Variants in ATP6V0A2 observed in about 807,000 individuals in gnomAD.
ATP6V0A2 encodes V-type proton ATPase 116 kDa subunit a 2.
Under a neutral mutation model 104.4 loss-of-function variants are expected in ATP6V0A2, and 58 were observed. The observed-to-expected ratio is 0.56, with a 90% CI of 0.45 to 0.69. ATP6V0A2 has a LOEUF of 0.69. Among genes scored for constraint, ATP6V0A2 ranks in the 30% least tolerant of loss-of-function variants. The pLI, the probability that ATP6V0A2 is intolerant of heterozygous loss-of-function variation, is 0.00. For missense variants in ATP6V0A2, 938 were observed against 1,062.9 expected (o/e 0.88, Z 1.63); for synonymous variants, 376 against 397.9 (o/e 0.95, Z 0.65).
In ATP6V0A2 at chr12:123,748,573, A is replaced by G. The variant is rs765448318; in HGVS notation, c.1725-2A>G. 2 of 1,609,768 alleles carry G rather than the reference A, an allele frequency of 1.2e-6. No homozygotes were observed. Among genetic ancestry groups the G allele is most frequent in the Admixed American group, 1.7e-5 (1 of 60,016 alleles). On this transcript the variant is annotated splice_acceptor_variant, in intron 14 of 19. Coordinates refer to ENST00000330342, the MANE Select transcript of ATP6V0A2 (RefSeq NM_012463.4). LOFTEE classifies it high-confidence loss of function. ...GGTTGATTGATTCCTTTTCTTTCCT[A>G]GGCACTTCAGGAAGAAGTTCAACAT...
At position 123,754,540 on chromosome 12, in the gene ATP6V0A2, A is replaced by G; in HGVS notation, c.2293+3A>G. On this transcript the variant is annotated splice_donor_region_variant and intron_variant, in intron 18 of 19. Coordinates refer to ENST00000330342, the MANE Select transcript of ATP6V0A2 (RefSeq NM_012463.4). ...GGCGCTTAGCCTGGCTCACGCACGT[A>G]AGTTCCTGCTTAGACCTGCAGTTCC... 3 of 1,610,136 alleles carry G rather than the reference A, an allele frequency of 1.9e-6. No individual in the cohort carries two copies. Among genetic ancestry groups the G allele is most frequent in the Non-Finnish European group, 2.6e-6 (3 of 1,176,310 alleles).
In ATP6V0A2 at chr12:123,747,613, A is replaced by G; in HGVS notation, c.1612A>G (p.Asn538Asp). ...TTGTTTGGTTTGGTTTTAGATTTGGAACTTGGCCACAAATCGCCTCACTTT... is the reference window on the plus strand; with the variant it reads ...TTGTTTGGTTTGGTTTTAGATTTGGGACTTGGCCACAAATCGCCTCACTTT... ...PYPLGIDPIW[N>D]LATNRLTFLN... is the part of the protein sequence containing the mutation. The change falls in exon 14 of 20, where the codon AAC becomes GAC. Residue 538 changes from asparagine to aspartate, a missense_variant. Coordinates refer to ENST00000330342, the MANE Select transcript of ATP6V0A2 (RefSeq NM_012463.4). 6.2e-7 allele frequency: 1 copy of G among 1,608,228 alleles called. No individual in the cohort carries two copies. Among genetic ancestry groups the G allele is most frequent in the Non-Finnish European group, 8.5e-7 (1 of 1,174,606 alleles).
In ATP6V0A2 at chr12:123,744,258, G is replaced by T; in HGVS notation, c.1247G>T (p.Gly416Val). The change falls in exon 11 of 20, where the codon GGA becomes GTA. Residue 416 changes from glycine to valine, a missense_variant. Transcript: ENST00000330342. This position sits in a 1 kb window ranked among gnomAD's most constrained non-coding sequence, Gnocchi z 5.4. ...TTTGCTGTGATGTTTGGAGACTTCG[G>T]ACATGGCTTTGTGATGTTTTTATTT... ...FLFAVMFGDF[G>V]HGFVMFLFAL... The T allele has an allele frequency of 6.2e-7, 1 of 1,614,138 alleles. No individual in the cohort carries two copies. The highest frequency in any genetic ancestry group is 2.2e-5 in the East Asian group (1 of 44,882).
In ATP6V0A2 at chr12:123,744,516, G is replaced by A; in HGVS notation, c.1327-81G>A. On this transcript the variant is annotated intron_variant, in intron 11 of 19. Coordinates refer to ENST00000330342, the MANE Select transcript of ATP6V0A2 (RefSeq NM_012463.4). This position sits in a 1 kb window ranked among gnomAD's most constrained non-coding sequence, Gnocchi z 5.4. The stretch of plus-strand genomic sequence containing the variant: ...GAGGCTGTTTTCTGAGAAGTGAGTG[G>A]TGAGGGTCGTGCCCACACCGACAGC... The A allele has an allele frequency of 6.3e-7, 1 of 1,591,746 alleles. No homozygotes were observed. The highest frequency in any genetic ancestry group is 8.6e-7 in the Non-Finnish European group (1 of 1,163,982).
rs573056725 is a variant in ATP6V0A2, at chr12:123,758,354, G to A, written c.*322G>A. On this transcript the variant is annotated 3_prime_UTR_variant, in exon 20 of 20. Coordinates refer to ENST00000330342, the MANE Select transcript of ATP6V0A2 (RefSeq NM_012463.4). Reference sequence around the variant, plus strand: ...GCATGGCTAGTTGAAAATGGTATTAGATACTTATTTCCTTTAAACTTTATT... The same window carrying A: ...GCATGGCTAGTTGAAAATGGTATTAAATACTTATTTCCTTTAAACTTTATT... 1 of 208,452 alleles carries A rather than the reference G, an allele frequency of 4.8e-6. No homozygotes were observed. The highest frequency in any genetic ancestry group is 1.2e-4 in the East Asian group (1 of 8,090). The allele number at this position is 208,452 out of a possible 1,614,324, so 12.9% of individuals were successfully genotyped here.
chr12:123,744,828 T>C lies in ATP6V0A2; in HGVS notation c.1514+44T>C. 2 of 1,614,130 alleles carry C rather than the reference T, an allele frequency of 1.2e-6. No individual in the cohort carries two copies. The highest frequency in any genetic ancestry group is 1.7e-6 in the Non-Finnish European group (2 of 1,179,964). Reference sequence around the variant, plus strand: ...GTGATGCTCTGGGTGGAAAGCATGTTTCCTAGACCTTCCTCCTCCCAGGTC... The same window carrying C: ...GTGATGCTCTGGGTGGAAAGCATGTCTCCTAGACCTTCCTCCTCCCAGGTC... On this transcript the variant is annotated intron_variant, in intron 12 of 19. Transcript: ENST00000330342. This position sits in a 1 kb window ranked among gnomAD's most constrained non-coding sequence, Gnocchi z 5.4.
chr12:123,724,582 C>T (rs1956430577), intron 3 of ATP6V0A2, 72 bp from the exon 4 acceptor site: 1 of 1,481,912 alleles, frequency 6.7e-7, no homozygotes, highest in Non-Finnish European at 9.4e-7. Flanking sequence ...TTTTGGTATA[C>T]TGCATGAAGA....
chr12:123,722,699 A>G (rs968668298), intron 3 of ATP6V0A2, among the ~76,000 whole-genome samples: 8 of 152,172 alleles, frequency 5.3e-5, no homozygotes, highest in Non-Finnish European at 1.0e-4. Context: ...GGTGGTGGTG[A>G]ACAGAGGCAA....
At position 123,718,529 on chromosome 12, in the gene ATP6V0A2, G is replaced by A. The variant is rs1956366536; in HGVS notation, c.118-94G>A. 16 of 875,466 alleles carry A rather than the reference G, an allele frequency of 1.8e-5. No homozygotes were observed. In the South Asian group the frequency reaches 2.3e-4, roughly 12 times the overall value. The allele number at this position is 875,466 out of a possible 1,614,324, so 54.2% of individuals were successfully genotyped here. On this transcript the variant is annotated intron_variant, in intron 1 of 19. Transcript: ENST00000330342. The stretch of plus-strand genomic sequence containing the variant: ...GTTTCATTCAATAGTATACAAGAGT[G>A]TACATCCCCCAAACTTTGGTGATGT...
At chr12:123,718,755 C>A (rs1303484202) in intron 2 of ATP6V0A2, 54 bp downstream of exon 2, 43 of 1,291,136 alleles carry the variant, frequency 3.3e-5, no homozygotes, top group Non-Finnish European at 4.4e-5. Context: ...TATAGGCAAA[C>A]CTTGTTCGGT....
rs759243442 is a variant in ATP6V0A2, at chr12:123,747,559, T to A, written c.1606-48T>A. 75 of 1,256,224 alleles carry A rather than the reference T, an allele frequency of 6.0e-5. No individual in the cohort carries two copies. In the Admixed American group the frequency reaches 1.2e-3, roughly 21 times the overall value. 77.8% of individuals were successfully genotyped at this position (1,256,224 alleles called of 1,614,324 possible). ...CAGGAACTTTCTTGAGTGTCACCTGTTGAAGGAAGTTAAAGATTCTGTTTT... is the reference window on the plus strand; with the variant it reads ...CAGGAACTTTCTTGAGTGTCACCTGATGAAGGAAGTTAAAGATTCTGTTTT... On this transcript the variant is annotated intron_variant, in intron 13 of 19. Transcript: ENST00000330342.
At position 123,720,649 on chromosome 12, in the gene ATP6V0A2, A is replaced by G. The variant is rs1251666595; in HGVS notation, c.197-1702A>G. ...TTTGAGGTTATTGTGGGCCAGGATG[A>G]CACACCACTGTACTCCAGCCTGGGC... On this transcript the variant is annotated intron_variant, in intron 2 of 19. Coordinates refer to ENST00000330342, the MANE Select transcript of ATP6V0A2 (RefSeq NM_012463.4). Among the ~76,000 whole-genome samples the G allele has an allele frequency of 3.3e-5, 5 of 152,074 alleles. No homozygotes were observed. In the East Asian group the frequency reaches 9.6e-4, roughly 29 times the overall value.
chr12:123,734,379 C>G (rs1036547433), intron 7 of ATP6V0A2, among the ~76,000 whole-genome samples: 9 of 152,104 alleles, frequency 5.9e-5, no homozygotes, highest in African/African-American at 1.7e-4. Context: ...CCTGGGTACC[C>G]TGGGGCAGGG....
At chr12:123,739,937 C>A (rs765010802) in intron 9 of ATP6V0A2, among the ~76,000 whole-genome samples, 11 of 151,952 alleles carry the variant, frequency 7.2e-5, no homozygotes, top group Non-Finnish European at 1.0e-4. Context: ...AGAAAAATAT[C>A]TTTTCTTTTT....
chr12:123,751,807 C>T (rs893211651), intron 16 of ATP6V0A2, among the ~76,000 whole-genome samples: 3 of 151,554 alleles, frequency 2.0e-5, no homozygotes, highest in African/African-American at 7.3e-5. Context: ...TTTCCATATT[C>T]GTCTTAATTT....
intron 4 of ATP6V0A2, among the ~76,000 whole-genome samples, chr12:123,725,624 A>G (rs974039146): frequency 7.2e-5 from 11 of 152,052 alleles, no homozygotes; most frequent in African/African-American, 1.9e-4. Flanking sequence ...TTGTCTATAC[A>G]AAAAATAAAA....
Position 123,712,452 on chromosome 12 carries a change from G to A in ATP6V0A2, c.-114G>A, listed in dbSNP as rs1264181324. 1 of 599,852 alleles carries A rather than the reference G, an allele frequency of 1.7e-6. No homozygotes were observed. Among genetic ancestry groups the A allele is most frequent in the Non-Finnish European group, 2.6e-6 (1 of 384,294 alleles). The allele number at this position is 599,852 out of a possible 1,614,324, so 37.2% of individuals were successfully genotyped here. ...CTGGAGCCCCATAGTGCGGGGCCGC[G>A]GCCAGGCCACAGGAAGAGCTCGAGG... On this transcript the variant is annotated 5_prime_UTR_variant, in exon 1 of 20. Transcript: ENST00000330342.
In ATP6V0A2 at chr12:123,737,107, G is replaced by A. The variant is rs764295967; in HGVS notation, c.874G>A (p.Ala292Thr). ...DYLRQVLCKA[A>T]ESVYSRVIQV... is the part of the protein sequence containing the mutation. ...TTTGAGGCAAGTGCTATGTAAAGCC[G>A]CCGAGTCTGTCTACAGCCGTGTGAT... The change falls in exon 9 of 20, where the codon GCC becomes ACC. Residue 292 changes from alanine to threonine, a missense_variant. Ala to Thr is a moderately conservative substitution (Grantham distance 58). Coordinates refer to ENST00000330342, the MANE Select transcript of ATP6V0A2 (RefSeq NM_012463.4). 7 of 1,614,082 alleles carry A rather than the reference G, an allele frequency of 4.3e-6. No individual in the cohort carries two copies. Among genetic ancestry groups the A allele is most frequent in the African/African-American group, 2.7e-5 (2 of 74,916 alleles).
Position 123,744,218 on chromosome 12 carries a change from A to G in ATP6V0A2, c.1207A>G (p.Thr403Ala). The G allele has an allele frequency of 6.2e-7, 1 of 1,614,058 alleles. No homozygotes were observed. ...TTCTGCAGCTCTCTTTACCATCATCACCTTCCCGTTTTTATTTGCTGTGAT... is the reference window on the plus strand; with the variant it reads ...TTCTGCAGCTCTCTTTACCATCATCGCCTTCCCGTTTTTATTTGCTGTGAT... ...EVNPALFTII[T>A]FPFLFAVMFG... is the part of the protein sequence containing the mutation. The change falls in exon 11 of 20, where the codon ACC (threonine) becomes GCC (alanine). Residue 403 changes from threonine (T) to alanine (A), a missense_variant. Thr to Ala is a moderately conservative substitution (Grantham distance 58, BLOSUM62 0). Coordinates refer to ENST00000330342, the MANE Select transcript of ATP6V0A2 (RefSeq NM_012463.4). The surrounding 1 kb of genome is among the most constrained non-coding windows in gnomAD (Gnocchi z 5.4).
Sources: gnomAD v4.1 joint callset for allele counts (sites outside exome capture counted in the v4.1 genomes callset) on GRCh38, gnomAD v4.1.1 for gene constraint, Gnocchi (gnomAD v3.1) non-coding constraint, MANE v1.5 for transcripts, NCBI Gene and HGNC (gene_info 2026-07-23, HGNC 2026-07-21) for gene names.